The following ZFHX3 variants were observed in gnomAD, a reference collection of about 807,000 sequenced individuals.
ZFHX3 encodes the protein zinc finger homeobox protein 3.
ZFHX3 carries 42 observed loss-of-function variants against 279.1 expected under a neutral mutation model. The ratio of observed to expected loss-of-function variants is 0.15; its 90% CI spans 0.12 to 0.19. The LOEUF is 0.19. Ranked by LOEUF, ZFHX3 falls within the 10% of genes least tolerant of loss-of-function variation. The probability of loss-of-function intolerance (pLI) is 1.00; values close to 1 mark genes in which losing one functional copy is unlikely to be tolerated. For missense variants in ZFHX3, 4,981 were observed against 4,754.0 expected (o/e 1.05, Z -1.40); for synonymous variants, 2,293 against 1,957.8 (o/e 1.17, Z -4.52).
At chr16:73,677,830 G>A (rs972761706) in intron 2 of ZFHX3, among the ~76,000 whole-genome samples, 1 of 151,886 alleles carries the variant, frequency 6.6e-6, no homozygotes, top group Non-Finnish European at 1.5e-5. Flanking sequence ...TATATAATAT[G>A]CAGAAACCCT....
intron 1 of ZFHX3, among the ~76,000 whole-genome samples, chr16:73,024,427 A>AC (rs1964421784): frequency 6.6e-6 from 1 of 152,092 alleles, no homozygotes; most frequent in South Asian, 2.1e-4. Flanking sequence ...AGGAGGCACC[A>AC]CCCATGAAGA....
chr16:73,467,239 A>G (rs1374989025), intron 2 of ZFHX3, among the ~76,000 whole-genome samples: 1 of 152,220 alleles, frequency 6.6e-6, no homozygotes, highest in African/African-American at 2.4e-5. Flanking sequence ...AGCATCTTGA[A>G]GAGGAGAGAG....
chr16:73,834,806 G>A (rs1208717624), intron 1 of ZFHX3, among the ~76,000 whole-genome samples: 1 of 152,184 alleles, frequency 6.6e-6, no homozygotes, highest in Non-Finnish European at 1.5e-5. Context: ...CAGGAGAACC[G>A]CTTGAATCCA....
chr16:73,814,509 T>G (rs2142340660), intron 1 of ZFHX3, among the ~76,000 whole-genome samples: 1 of 152,258 alleles, frequency 6.6e-6, no homozygotes, highest in African/African-American at 2.4e-5. Context: ...ATACAAATTT[T>G]AAAATACGTG....
chr16:73,562,614 A>C (rs2020388014), intron 2 of ZFHX3, among the ~76,000 whole-genome samples: 2 of 151,472 alleles, frequency 1.3e-5, no homozygotes, highest in South Asian at 4.2e-4. Flanking sequence ...AAAAAAAAAA[A>C]AGTGGCTGTG....
chr16:73,602,289 C>T (rs894681133), intron 2 of ZFHX3, among the ~76,000 whole-genome samples: 3 of 152,176 alleles, frequency 2.0e-5, no homozygotes, highest in South Asian at 2.1e-4. Flanking sequence ...TGGGAGGCCA[C>T]GAAAAATTTA....
intron 1 of ZFHX3, among the ~76,000 whole-genome samples, chr16:73,753,985 A>AATGTGTGTGTGTGTGTGTGTGT (rs945453948): frequency 1.7e-4 from 5 of 29,444 alleles, no homozygotes; most frequent in Non-Finnish European, 3.0e-4. Context: ...AGTAAGAATC[A>AATGTGTGTGTGTGTGTGTGTGT]ATGTGTGTGT....
chr16:73,696,676 C>G (rs1410351161), intron 1 of ZFHX3, among the ~76,000 whole-genome samples: 1 of 152,182 alleles, frequency 6.6e-6, no homozygotes, highest in Non-Finnish European at 1.5e-5. Flanking sequence ...CCCGTCAAAG[C>G]CAGCAGATTT....
intron 7 of ZFHX3, among the ~76,000 whole-genome samples, chr16:73,107,939 A>C (rs1200891294): frequency 6.6e-6 from 1 of 152,128 alleles, no homozygotes. Context: ...AGGCGGGCGG[A>C]TCACGAGGTC....
intron 1 of ZFHX3, among the ~76,000 whole-genome samples, chr16:72,998,881 G>A (rs1346490948): frequency 2.0e-5 from 3 of 152,178 alleles, no homozygotes; most frequent in South Asian, 2.1e-4. Flanking sequence ...CCATCAGATC[G>A]TCTCTCTGGG....
chr16:73,043,778 C>T (rs1965199259), intron 1 of ZFHX3, among the ~76,000 whole-genome samples: 1 of 152,226 alleles, frequency 6.6e-6, no homozygotes, highest in African/African-American at 2.4e-5. Context: ...AGTCATTTAC[C>T]ATATTAGCCC....
intron 4 of ZFHX3, among the ~76,000 whole-genome samples, chr16:72,849,860 C>CAAAAAAAAAAAAAAAAAAA (rs542156633): frequency 8.8e-5 from 5 of 56,564 alleles, no homozygotes; most frequent in Admixed American, 2.6e-4. Context: ...GTTCACCTAC[C>CAAAAAAAAAAAAAAAAAAA]AAAAAAAAAA....
chr16:73,407,641 G>T (rs1290274625), intron 3 of ZFHX3, among the ~76,000 whole-genome samples: 1 of 152,118 alleles, frequency 6.6e-6, no homozygotes, highest in Non-Finnish European at 1.5e-5. Context: ...AGAACCAGGA[G>T]ATCACACTGA....
At chr16:73,191,887 C>G (rs369323327) in intron 5 of ZFHX3, among the ~76,000 whole-genome samples, 2 of 152,194 alleles carry the variant, frequency 1.3e-5, no homozygotes, top group African/African-American at 4.8e-5. Context: ...TGTGCAAACA[C>G]GCTTTAGTGG....
chr16:73,135,963 T>C (rs1255964900), intron 6 of ZFHX3, among the ~76,000 whole-genome samples: 3 of 151,996 alleles, frequency 2.0e-5, no homozygotes, highest in Non-Finnish European at 1.5e-5. Flanking sequence ...GTTCAAGCAA[T>C]TCCCCTGCCT....
chr16:73,545,825 A>T (rs948480454), intron 2 of ZFHX3, among the ~76,000 whole-genome samples: 4 of 152,162 alleles, frequency 2.6e-5, no homozygotes, highest in Non-Finnish European at 4.4e-5. Context: ...CCCCTAAAAA[A>T]TGACTAAACT....
At chr16:73,342,363 A>G (rs1039336859) in intron 3 of ZFHX3, among the ~76,000 whole-genome samples, 1 of 152,244 alleles carries the variant, frequency 6.6e-6, no homozygotes, top group African/African-American at 2.4e-5. Context: ...AATATAATAC[A>G]TATTCACATG....
intron 2 of ZFHX3, among the ~76,000 whole-genome samples, chr16:73,628,672 A>G (rs551458163): frequency 3.3e-5 from 5 of 152,334 alleles, no homozygotes; most frequent in African/African-American, 4.8e-5. Context: ...TCTGAATCAT[A>G]TTGGTAAACC....
chr16:73,782,170 G>C (rs1003939146), intron 1 of ZFHX3, among the ~76,000 whole-genome samples: 1 of 152,098 alleles, frequency 6.6e-6, no homozygotes, highest in Non-Finnish European at 1.5e-5. Context: ...AACCGTACAC[G>C]GAGCTCCTGT....
Sources: gnomAD v4.1 joint callset for allele counts (sites outside exome capture counted in the v4.1 genomes callset) on GRCh38, gnomAD v4.1.1 for gene constraint, MANE v1.5 for transcripts, NCBI Gene and HGNC (gene_info 2026-07-23, HGNC 2026-07-21) for gene names.